The following DCBLD1 variants were observed in gnomAD, a reference collection of about 807,000 sequenced individuals.
DCBLD1 encodes discoidin, CUB and LCCL domain containing 1.
A neutral mutation model predicts 71.5 loss-of-function variants in DCBLD1; 57 were observed. The observed-to-expected ratio is 0.80, with a 90% confidence interval of 0.64 to 0.99. The LOEUF (loss-of-function observed/expected upper bound fraction) is 0.99. DCBLD1 is among the 50% of genes least tolerant of loss of function. The pLI is 0.00. For synonymous variants in DCBLD1, 380 were observed against 363.8 expected, an observed-to-expected ratio of 1.04 and a Z score of -0.51; for missense variants, 891 against 923.5, an observed-to-expected ratio of 0.96 and a Z score of 0.46.
At chr6:117,541,540 C>T (rs1215201635) in intron 11 of DCBLD1, among the ~76,000 whole-genome samples, 1 of 120,424 alleles carries the variant, frequency 8.3e-6, no homozygotes, top group Non-Finnish European at 2.0e-5. Flanking sequence ...GGGACACATT[C>T]CATTCCATAC....
At chr6:117,488,179 C>A (rs781194899) in intron 1 of DCBLD1, among the ~76,000 whole-genome samples, 1 of 152,194 alleles carries the variant, frequency 6.6e-6, no homozygotes, top group South Asian at 2.1e-4. Context: ...GCACCCAGTA[C>A]GGTGCCTGGC....
At chr6:117,483,973 C>G (rs1303599732) in intron 1 of DCBLD1, among the ~76,000 whole-genome samples, 2 of 152,034 alleles carry the variant, frequency 1.3e-5, no homozygotes, top group Non-Finnish European at 2.9e-5. Context: ...ATATTACATA[C>G]CAGTTTGTTT....
At chr6:117,550,900 T>C (rs1470620953), downstream of DCBLD1, among the ~76,000 whole-genome samples, 4 of 152,136 alleles carry the variant, frequency 2.6e-5, no homozygotes, top group Non-Finnish European at 5.9e-5. Flanking sequence ...ATGCCTAGTC[T>C]CTCCCCCAGA....
Position 117,548,629 on chromosome 6 carries a change from G to A in DCBLD1, c.*190G>A. 3 of 1,432,844 alleles carry A rather than the reference G, an allele frequency of 2.1e-6. No individual in the cohort carries two copies. The highest frequency in any genetic ancestry group is 2.7e-6 in the Non-Finnish European group (3 of 1,098,150). 88.8% of individuals were successfully genotyped at this position (1,432,844 alleles called of 1,614,324 possible). ...TTTACAAAATTGTGCAGCTGGTTTCGTGCTGACCCTTAGGGTGCGTCTGTT... is the reference window on the plus strand; with the variant it reads ...TTTACAAAATTGTGCAGCTGGTTTCATGCTGACCCTTAGGGTGCGTCTGTT... On this transcript the variant is annotated 3_prime_UTR_variant, in exon 15 of 15. Coordinates refer to ENST00000338728, the MANE Select transcript of DCBLD1 (RefSeq NM_001366458.2).
At chr6:117,540,197 A>T (rs1779043876) in intron 9 of DCBLD1, 1 of 153,398 alleles carries the variant, frequency 6.5e-6, no homozygotes, top group Admixed American at 6.5e-5. Context: ...TCAGGAATGA[A>T]ATACTTGTGA....
intron 6 of DCBLD1, 125 bp from the exon 7 acceptor site, chr6:117,537,060 G>C (rs72965515): frequency 0.13 from 112,705 of 854,610 alleles, 8,351 homozygotes; most frequent in Non-Finnish European, 0.16. Context: ...GTTTGCAGGG[G>C]TGTTGTGAGG....
At chr6:117,513,707 G>A (rs529307889) in intron 2 of DCBLD1, among the ~76,000 whole-genome samples, 2 of 152,290 alleles carry the variant, frequency 1.3e-5, no homozygotes, top group Admixed American at 1.3e-4. Flanking sequence ...GCAAAACTGT[G>A]CATCCTATTT....
chr6:117,533,302 A>G (rs1778784300), intron 6 of DCBLD1, among the ~76,000 whole-genome samples: 1 of 152,102 alleles, frequency 6.6e-6, no homozygotes, highest in African/African-American at 2.4e-5. Flanking sequence ...TATATATTCT[A>G]TCACTCATTA....
chr6:117,486,687 C>T (rs558660671), intron 1 of DCBLD1, among the ~76,000 whole-genome samples: 11 of 152,324 alleles, frequency 7.2e-5, no homozygotes, highest in African/African-American at 2.6e-4. Flanking sequence ...TAGATGTTGT[C>T]CTCTCAGGGA....
At chr6:117,539,485 G>T in intron 9 of DCBLD1, 106 bp downstream of exon 9, 2 of 1,306,094 alleles carry the variant, frequency 1.5e-6, no homozygotes, top group Non-Finnish European at 2.1e-6. Context: ...AGACAGTGAG[G>T]CCAAGCATGG....
chr6:117,566,773 T>G, intron 14 of DCBLD1: 2 of 856,540 alleles, frequency 2.3e-6, no homozygotes. Flanking sequence ...ACAGTTTTAC[T>G]GAAGAAATTC....
At chr6:117,520,282 T>C (rs1397313326) in intron 3 of DCBLD1, among the ~76,000 whole-genome samples, 1 of 152,214 alleles carries the variant, frequency 6.6e-6, no homozygotes, top group Non-Finnish European at 1.5e-5. Context: ...GAATTTGTGT[T>C]GGGCTGCATC....
chr6:117,563,044 T>C, intron 14 of DCBLD1: 1 of 517,266 alleles, frequency 1.9e-6, no homozygotes, highest in Non-Finnish European at 3.4e-6. Context: ...AAAATCAAAA[T>C]TGCTTTACAT....
In DCBLD1 at chr6:117,538,775, A is replaced by G. The variant is rs1367166276; in HGVS notation, c.916A>G (p.Asn306Asp). Residue 306 changes from asparagine to aspartate, a missense_variant, in exon 8 of 15, where the codon AAC (asparagine) becomes GAC (aspartate). Physicochemically the swap from Asn to Asp is conservative, Grantham distance 23 (BLOSUM62 1). Transcript: ENST00000338728. ...GPSWASGDSS[N>D]NHKPREWLEI... ...ATCATGGGCTTCGGGCGACAGTAGC[A>G]ACAACCACAAACCACGAGAGTGGCT... 6.2e-7 allele frequency: 1 copy of G among 1,614,200 alleles called. No homozygotes were observed. Among genetic ancestry groups the G allele is most frequent in the Non-Finnish European group, 8.5e-7 (1 of 1,180,026 alleles).
At chr6:117,531,837 C>T (rs1488134892) in intron 5 of DCBLD1, among the ~76,000 whole-genome samples, 5 of 152,140 alleles carry the variant, frequency 3.3e-5, no homozygotes, top group African/African-American at 1.2e-4. Flanking sequence ...GATCTGTTAT[C>T]GATTTCTGCT....
rs190680688 is a variant in DCBLD1 at position 117,516,401 on chromosome 6, C to T, written c.326-3415C>T. On this transcript the variant is annotated intron_variant, in intron 2 of 14. Coordinates refer to ENST00000338728, the MANE Select transcript of DCBLD1 (RefSeq NM_001366458.2). ...AAGTATTAACTCATGTAAGTAATTA[C>T]GTATGATGAGTGTTTCTAAAGAGGG... is the stretch of plus-strand genomic sequence containing the variant. Among the ~76,000 whole-genome samples the T allele has an allele frequency of 9.9e-5, 15 of 151,600 alleles. No homozygotes were observed. In the East Asian group the frequency reaches 1.2e-3, roughly 12 times the overall value.
intron 14 of DCBLD1, chr6:117,561,945 A>T (rs1779591922): frequency 9.6e-6 from 2 of 208,380 alleles, no homozygotes; most frequent in South Asian, 3.8e-4. Flanking sequence ...TGAATACCAG[A>T]AATGAAGATA....
chr6:117,521,478 T>G, intron 3 of DCBLD1, 47 bp from the exon 4 acceptor site: 1 of 1,454,894 alleles, frequency 6.9e-7, no homozygotes, highest in Non-Finnish European at 9.4e-7. Context: ...ATGAGTGTCC[T>G]AGTTTTTATT....
At chr6:117,519,694 G>T in intron 2 of DCBLD1, 122 bp from the exon 3 acceptor site, 1 of 1,293,572 alleles carries the variant, frequency 7.7e-7, no homozygotes, top group Non-Finnish European at 1.0e-6. Context: ...AGTTGGTAAA[G>T]ATTATAATCA....
Sources: gnomAD v4.1 joint callset for allele counts (sites outside exome capture counted in the v4.1 genomes callset) on GRCh38, gnomAD v4.1.1 for gene constraint, MANE v1.5 for transcripts, NCBI Gene and HGNC (gene_info 2026-07-23, HGNC 2026-07-21) for gene names.